The following DIXDC1 variants were observed in gnomAD, a reference collection of about 807,000 sequenced individuals.
DIXDC1 encodes DIX domain containing 1, also known as dixin.
In DIXDC1, 64 loss-of-function variants were observed where a neutral mutation model predicts 103.1. The observed-to-expected ratio is 0.62, with a 90% confidence interval of 0.51 to 0.76. DIXDC1 has a LOEUF of 0.76. DIXDC1 is among the 30% of genes least tolerant of loss of function. The pLI, the probability that DIXDC1 is intolerant of heterozygous loss-of-function variation, is 0.00. For synonymous variants in DIXDC1, 266 were observed against 298.5 expected, an observed-to-expected ratio of 0.89 and a Z score of 1.12; for missense variants, 759 against 834.2, an observed-to-expected ratio of 0.91 and a Z score of 1.11.
intron 17 of DIXDC1, among the ~76,000 whole-genome samples, 191 bp from the exon 18 acceptor site, chr11:112,016,500 C>A (rs587724535): frequency 6.6e-6 from 1 of 152,250 alleles, no homozygotes; most frequent in South Asian, 2.1e-4. Context: ...GCGATCGTGT[C>A]CATGTCTGAA....
At chr11:111,937,684 C>A in intron 1 of DIXDC1, 125 bp downstream of exon 1, 2 of 955,774 alleles carry the variant, frequency 2.1e-6, no homozygotes, top group Non-Finnish European at 3.1e-6. Context: ...CCCAGAACCC[C>A]AAAGGGGCTA....
chr11:111,930,849 CT>C (rs782075106), intron 2 of DIXDC1, among the ~76,000 whole-genome samples: 2,092 of 116,808 alleles, frequency 0.018, 43 homozygotes, highest in African/African-American at 0.07. Context: ...TCTTTCTTTC[CT>C]TTTTTTTTTT....
At chr11:111,988,773 T>C (rs1555174159) in intron 9 of DIXDC1, among the ~76,000 whole-genome samples, 1 of 152,212 alleles carries the variant, frequency 6.6e-6, no homozygotes, top group African/African-American at 2.4e-5. Flanking sequence ...AACTCTTCTC[T>C]ACCTGAGCAG....
At position 112,019,353 on chromosome 11, in the gene DIXDC1, C is replaced by T. The variant is rs1861688811; in HGVS notation, c.*317C>T. On this transcript the variant is annotated 3_prime_UTR_variant, in exon 20 of 20. Transcript: ENST00000440460. The stretch of plus-strand genomic sequence containing the variant: ...ATGGATGATCCCGCCTCTGTAGGGG[C>T]ATGGCTGCTATTATCTGGAAATTAG... 5.4e-6 allele frequency: 1 copy of T among 186,778 alleles called. No homozygotes were observed. The highest frequency in any genetic ancestry group is 2.3e-5 in the African/African-American group (1 of 42,884). 11.6% of individuals were successfully genotyped at this position (186,778 alleles called of 1,614,324 possible). A position where few individuals can be genotyped will look rare whatever the true frequency, so the allele number is the denominator to read the frequency against.
intron 17 of DIXDC1, among the ~76,000 whole-genome samples, chr11:112,014,377 T>C (rs1319847494): frequency 2.0e-5 from 3 of 152,246 alleles, no homozygotes; most frequent in Admixed American, 1.3e-4. Flanking sequence ...CCCAATGTAT[T>C]CATTATGCTC....
upstream of DIXDC1, among the ~76,000 whole-genome samples, chr11:111,936,643 T>G (rs1200937433): frequency 6.6e-5 from 10 of 152,240 alleles, no homozygotes; most frequent in African/African-American, 2.2e-4. Context: ...AAAGTTCTTT[T>G]TATCCTCTTT....
intron 1 of DIXDC1, among the ~76,000 whole-genome samples, chr11:111,959,854 A>G (rs1859513285): frequency 1.3e-5 from 2 of 152,202 alleles, no homozygotes; most frequent in African/African-American, 4.8e-5. Context: ...GCAAGTCAGC[A>G]GTGTGATCTA....
chr11:111,939,162 G>A (rs148506010), intron 1 of DIXDC1, among the ~76,000 whole-genome samples: 253 of 152,276 alleles, frequency 1.7e-3, no homozygotes, highest in Middle Eastern at 3.4e-3. Flanking sequence ...GCTCTTGATG[G>A]TCCCACTGTC....
At chr11:111,937,672 C>T (rs1314451267) in intron 1 of DIXDC1, 113 bp downstream of exon 1, 2 of 1,069,124 alleles carry the variant, frequency 1.9e-6, no homozygotes, top group Admixed American at 4.5e-5. Flanking sequence ...GAGCAAATCG[C>T]CCCCAGAACC....
chr11:111,985,140 G>C, intron 7 of DIXDC1, 92 bp from the exon 8 acceptor site: 1 of 1,008,786 alleles, frequency 9.9e-7, no homozygotes, highest in Non-Finnish European at 1.5e-6. Context: ...GCTGAGTTGT[G>C]ATTTTAACTT....
intron 1 of DIXDC1, among the ~76,000 whole-genome samples, chr11:111,947,141 G>A (rs983084840): frequency 6.6e-6 from 1 of 152,088 alleles, no homozygotes; most frequent in African/African-American, 2.4e-5. Context: ...TAGGGGTGGG[G>A]GCTTGAGGGT....
At chr11:111,968,870 G>A (rs1276478222) in intron 3 of DIXDC1, among the ~76,000 whole-genome samples, 3 of 152,032 alleles carry the variant, frequency 2.0e-5, no homozygotes, top group African/African-American at 7.2e-5. Context: ...TGCCTCCCTG[G>A]TTCAAGTGAT....
intron 3 of DIXDC1, 69 bp from the exon 4 acceptor site, chr11:111,973,954 G>T: frequency 6.9e-7 from 1 of 1,454,534 alleles, no homozygotes. Context: ...AAATGCAGAA[G>T]TCCTCAGCTT....
chr11:111,971,782 T>C (rs1555172094), intron 3 of DIXDC1, among the ~76,000 whole-genome samples: 1 of 148,992 alleles, frequency 6.7e-6, no homozygotes, highest in Non-Finnish European at 1.5e-5. Flanking sequence ...TAGGATACTA[T>C]GCAGCTATAA....
At chr11:112,009,728 A>G (rs1861354994) in intron 17 of DIXDC1, among the ~76,000 whole-genome samples, 1 of 152,248 alleles carries the variant, frequency 6.6e-6, no homozygotes, top group African/African-American at 2.4e-5. Flanking sequence ...ATCTCAATAG[A>G]TGCAGAAAAG....
chr11:111,970,487 G>A (rs1859882466), intron 3 of DIXDC1, among the ~76,000 whole-genome samples: 1 of 151,910 alleles, frequency 6.6e-6, no homozygotes, highest in Non-Finnish European at 1.5e-5. Flanking sequence ...TAACCAAAGA[G>A]GTAAAAGAAA....
chr11:111,978,361 T>C (rs1241400332), intron 5 of DIXDC1, among the ~76,000 whole-genome samples: 2 of 152,160 alleles, frequency 1.3e-5, no homozygotes, highest in Non-Finnish European at 2.9e-5. Flanking sequence ...TCCTTGTCCA[T>C]GAGGTACTTC....
At position 111,998,666 on chromosome 11, in the gene DIXDC1, C is replaced by T. The variant is rs1555175650; in HGVS notation, c.1756+2520C>T. 1.3e-5 allele frequency among the ~76,000 whole-genome samples: 2 copies of T among 151,992 alleles called. No homozygotes were observed. The highest frequency in any genetic ancestry group is 2.9e-5 in the Non-Finnish European group (2 of 68,000). Reference sequence around the variant, plus strand: ...TCAAGTGATTCTCCTGCCTCAGCCTCCTGATTACAGGCGCCCGCCACCACG... The same window carrying T: ...TCAAGTGATTCTCCTGCCTCAGCCTTCTGATTACAGGCGCCCGCCACCACG... On this transcript the variant is annotated intron_variant, in intron 17 of 19. Coordinates refer to ENST00000440460, the MANE Select transcript of DIXDC1 (RefSeq NM_001037954.4). The surrounding 1 kb of genome is among the most constrained non-coding windows in gnomAD (Gnocchi z 4.1).
At chr11:112,013,502 A>G (rs1414661323) in intron 17 of DIXDC1, among the ~76,000 whole-genome samples, 2 of 152,176 alleles carry the variant, frequency 1.3e-5, no homozygotes, top group African/African-American at 4.8e-5. Context: ...AAGGCACCCT[A>G]TAAACATTTA....
Sources: gnomAD v4.1 joint callset for allele counts (sites outside exome capture counted in the v4.1 genomes callset) on GRCh38, gnomAD v4.1.1 for gene constraint, Gnocchi (gnomAD v3.1) non-coding constraint, MANE v1.5 for transcripts, NCBI Gene and HGNC (gene_info 2026-07-23, HGNC 2026-07-21) for gene names.